Variants in VWA5B1 observed in about 807,000 individuals in gnomAD.
The protein encoded by VWA5B1 is von Willebrand factor A domain containing 5B1.
VWA5B1 carries 115 observed loss-of-function variants against 118.2 expected under a neutral mutation model. The observed-to-expected ratio is 0.97, with a 90% CI of 0.84 to 1.14. The LOEUF (loss-of-function observed/expected upper bound fraction) is 1.14. Among genes scored for constraint, VWA5B1 ranks in the 50% most tolerant of loss-of-function variants. The pLI is 0.00. For missense variants in VWA5B1, 1,596 were observed against 1,603.8 expected (o/e 1.00, Z 0.08); for synonymous variants, 682 against 658.4 (o/e 1.04, Z -0.55).
intron 13 of VWA5B1, 123 bp from the exon 14 acceptor site, chr1:20,337,522 TG>T: frequency 8.9e-7 from 1 of 1,119,004 alleles, no homozygotes; most frequent in Non-Finnish European, 1.2e-6. Flanking sequence ...GGGAGGCATC[TG>T]CATATATTTC....
intron 8 of VWA5B1, 110 bp downstream of exon 8, chr1:20,323,642 A>G (rs1214159953): frequency 8.4e-7 from 1 of 1,186,048 alleles, no homozygotes; most frequent in African/African-American, 1.6e-5. Flanking sequence ...CAACTTTTAA[A>G]AATCAGTTTA....
At chr1:20,328,815 A>G (rs2089462452) in intron 9 of VWA5B1, among the ~76,000 whole-genome samples, 1 of 152,160 alleles carries the variant, frequency 6.6e-6, no homozygotes, top group Non-Finnish European at 1.5e-5. Context: ...CATATCAAAA[A>G]CAAATTTTTT....
rs2090282808 is a variant in VWA5B1 at position 20,359,343 on chromosome 1, G to T, written c.*5080G>T. On this transcript the variant is annotated 3_prime_UTR_variant, in exon 22 of 22. Transcript: ENST00000289815. Reference sequence around the variant, plus strand: ...GGGATATGCATCACCTGCTTGCCTGGTAGCCAATTACATAGATGTCATGGA... The same window carrying T: ...GGGATATGCATCACCTGCTTGCCTGTTAGCCAATTACATAGATGTCATGGA... 6.6e-6 allele frequency among the ~76,000 whole-genome samples: 1 copy of T among 152,032 alleles called. No individual in the cohort carries two copies.
At chr1:20,320,996 C>A (rs529089426) in intron 7 of VWA5B1, among the ~76,000 whole-genome samples, 1 of 150,732 alleles carries the variant, frequency 6.6e-6, no homozygotes, top group East Asian at 2.0e-4. Flanking sequence ...GGGTGAACAT[C>A]AATCAGGAAG....
At chr1:20,353,567 C>T (rs368426160) in intron 21 of VWA5B1, among the ~76,000 whole-genome samples, 190 bp from the exon 22 acceptor site, 2 of 152,240 alleles carry the variant, frequency 1.3e-5, no homozygotes, top group South Asian at 2.1e-4. Flanking sequence ...ATGTTGACTT[C>T]GGCTTGGAGA....
At chr1:20,301,642 C>T (rs956600340) in intron 1 of VWA5B1, among the ~76,000 whole-genome samples, 1 of 152,242 alleles carries the variant, frequency 6.6e-6, no homozygotes, top group Non-Finnish European at 1.5e-5. Flanking sequence ...CTGTGCGCCA[C>T]CAGCCGGTGA....
chr1:20,314,340 G>A lies in VWA5B1; in HGVS notation c.311G>A (p.Gly104Glu). 6.4e-7 allele frequency: 1 copy of A among 1,551,842 alleles called. No homozygotes were observed. The highest frequency in any genetic ancestry group is 8.7e-7 in the Non-Finnish European group (1 of 1,147,012). Residue 104 changes from glycine (G) to glutamate (E), a missense_variant, in exon 4 of 22, where the codon GGG becomes GAG. Gly to Glu is a moderately conservative substitution (Grantham distance 98). Transcript: ENST00000289815. ...PTVTGNILQD[G>E]VSIAPHSCTP... is the part of the protein sequence containing the mutation. ...CACTTAGGGAACATTCTGCAAGACG[G>A]GGTTTCCATAGCCCCTCATTCCTGC...
Position 20,317,811 on chromosome 1 carries a change from C to T in VWA5B1, c.709+136C>T. 6.0e-6 allele frequency: 7 copies of T among 1,160,666 alleles called. No individual in the cohort carries two copies. In the South Asian group the frequency reaches 9.0e-5, roughly 15 times the overall value. 71.9% of individuals were successfully genotyped at this position (1,160,666 alleles called of 1,614,324 possible). A position where few individuals can be genotyped will look rare whatever the true frequency, so the allele number is the denominator to read the frequency against. On this transcript the variant is annotated intron_variant, in intron 5 of 21. Coordinates refer to ENST00000289815, the MANE Select transcript of VWA5B1 (RefSeq NM_001039500.3). The stretch of plus-strand genomic sequence containing the variant: ...TACTAAAGTACACAAAGCCTGTGGA[C>T]CCCCATTTCCCATGGCCCCAACAAG...
chr1:20,318,748 G>C, intron 6 of VWA5B1, 27 bp downstream of exon 6: 2 of 1,455,700 alleles, frequency 1.4e-6, no homozygotes, highest in South Asian at 2.9e-5. Context: ...CGGGCCCCTG[G>C]GCTGCCTGTG....
chr1:20,343,390 C>T lies in VWA5B1; in HGVS notation c.2623C>T (p.Gln875Ter). ...QLAEREGEIEQGSNRRYQVSA... is the reference protein window; with the variant it reads ...QLAEREGEIE ...GGCGGAGCGCGAGGGCGAGATCGAGCAGGGTGAGCGCCACGGAACTGCGCC... is the reference window on the plus strand; with the variant it reads ...GGCGGAGCGCGAGGGCGAGATCGAGTAGGGTGAGCGCCACGGAACTGCGCC... The change falls in exon 16 of 22, where the codon CAG becomes TAG. Residue 875 changes from glutamine (Q) to a stop codon, truncating the protein, a stop_gained. Transcript: ENST00000289815. LOFTEE classifies it high-confidence loss of function. 6.6e-7 allele frequency: 1 copy of T among 1,523,370 alleles called. No individual in the cohort carries two copies. The allele number at this position is 1,523,370 out of a possible 1,614,324, so 94.4% of individuals were successfully genotyped here. A position where few individuals can be genotyped will look rare whatever the true frequency, so the allele number is the denominator to read the frequency against.
At chr1:20,339,954 T>C (rs1267834793) in intron 14 of VWA5B1, among the ~76,000 whole-genome samples, 2 of 152,234 alleles carry the variant, frequency 1.3e-5, no homozygotes, top group East Asian at 3.8e-4. Context: ...AGTGGAGGAC[T>C]CTTCCAGGCA....
At chr1:20,320,889 G>T (rs1361456851) in intron 7 of VWA5B1, among the ~76,000 whole-genome samples, 1 of 152,160 alleles carries the variant, frequency 6.6e-6, no homozygotes, top group Non-Finnish European at 1.5e-5. Flanking sequence ...CATCAAAAGA[G>T]CCCGTCTGGG....
intron 1 of VWA5B1, 94 bp downstream of exon 1, chr1:20,291,182 G>GTGTGTGTA (rs1437665998): frequency 2.6e-5 from 4 of 155,332 alleles, no homozygotes; most frequent in African/African-American, 4.8e-5. Context: ...GTGTGTATGT[G>GTGTGTGTA]TGTGTGTGTG....
chr1:20,350,087 C>T (rs1033250227), intron 18 of VWA5B1, 69 bp from the exon 19 acceptor site: 1 of 1,465,940 alleles, frequency 6.8e-7, no homozygotes, highest in Non-Finnish European at 9.3e-7. Flanking sequence ...TAGACCATTG[C>T]TCTCCTGAGG....
chr1:20,327,785 C>T (rs1306065646), intron 8 of VWA5B1, 105 bp from the exon 9 acceptor site: 8 of 964,784 alleles, frequency 8.3e-6, no homozygotes, highest in Non-Finnish European at 8.1e-6. Flanking sequence ...GGGTAAAGGT[C>T]TGTTTGGAGG....
chr1:20,309,654 A>G (rs773284769), intron 1 of VWA5B1, among the ~76,000 whole-genome samples: 1 of 152,184 alleles, frequency 6.6e-6, no homozygotes, highest in Non-Finnish European at 1.5e-5. Flanking sequence ...AAGCAAGGGA[A>G]CCCATTGGTG....
chr1:20,355,839 G>A lies in VWA5B1; in HGVS notation c.*1576G>A, dbSNP rs531880644. Among the ~76,000 whole-genome samples, 10 of 106,982 alleles carry A rather than the reference G, an allele frequency of 9.3e-5. No individual in the cohort carries two copies. In the South Asian group the frequency reaches 3.3e-3, roughly 36 times the overall value. 70.2% of individuals were successfully genotyped at this position (106,982 alleles called of 152,430 possible). A position where few individuals can be genotyped will look rare whatever the true frequency, so the allele number is the denominator to read the frequency against. On this transcript the variant is annotated 3_prime_UTR_variant, in exon 22 of 22. Coordinates refer to ENST00000289815, the MANE Select transcript of VWA5B1 (RefSeq NM_001039500.3). ...TCCATCTATGCCACAAGTCTCCCGC[G>A]AGGGATTCTCACAGCCCTTTTGAAT... is the stretch of plus-strand genomic sequence containing the variant.
At chr1:20,296,082 C>T (rs776680070) in intron 1 of VWA5B1, among the ~76,000 whole-genome samples, 2 of 152,158 alleles carry the variant, frequency 1.3e-5, no homozygotes, top group African/African-American at 2.4e-5. Flanking sequence ...AGGCTGGTCT[C>T]GAACTCCTGA....
In VWA5B1 at chr1:20,354,602, G is replaced by C; in HGVS notation, c.*339G>C. On this transcript the variant is annotated 3_prime_UTR_variant, in exon 22 of 22. Coordinates refer to ENST00000289815, the MANE Select transcript of VWA5B1 (RefSeq NM_001039500.3). ...GGCTGACTGCTGCTGGGGCTGGCGA[G>C]GGAAGATGCAGTGGAAGCCTGAGCC... 1 of 315,248 alleles carries C rather than the reference G, an allele frequency of 3.2e-6. No homozygotes were observed. Among genetic ancestry groups the C allele is most frequent in the Non-Finnish European group, 5.9e-6 (1 of 169,522 alleles). 19.5% of individuals were successfully genotyped at this position (315,248 alleles called of 1,614,324 possible). A position where few individuals can be genotyped will look rare whatever the true frequency, so the allele number is the denominator to read the frequency against.
Sources: allele counts gnomAD v4.1 joint callset (sites outside exome capture counted in the v4.1 genomes callset), GRCh38; gene constraint gnomAD v4.1.1; transcripts MANE v1.5; gene names NCBI Gene and HGNC (gene_info 2026-07-23, HGNC 2026-07-21).